The following APOBEC2 variants were observed in gnomAD, a reference collection of about 807,000 sequenced individuals.
The protein encoded by APOBEC2 is C->U-editing enzyme APOBEC-2.
Under a neutral mutation model 19.4 loss-of-function variants are expected in APOBEC2, and 14 were observed. That is an observed-to-expected ratio of 0.72 (90% CI 0.48 to 1.13). The LOEUF (loss-of-function observed/expected upper bound fraction) is 1.13, where lower values mean the gene tolerates loss of function less well. APOBEC2 is among the 50% of genes most tolerant of loss of function. APOBEC2 has a pLI of 0.00. For missense variants in APOBEC2, 304 were observed against 277.0 expected, an observed-to-expected ratio of 1.10 and a Z score of -0.69; for synonymous variants, 127 against 112.1, an observed-to-expected ratio of 1.13 and a Z score of -0.84.
Position 41,061,647 on chromosome 6 carries a change from G to A in APOBEC2, c.451G>A (p.Val151Met). ...CAAGAACCTGCGTCTGCTCATTCTGGTGGGTCGACTCTTCATGTGGGAGGA... is the reference window on the plus strand; with the variant it reads ...CAAGAACCTGCGTCTGCTCATTCTGATGGGTCGACTCTTCATGTGGGAGGA... ...KTKNLRLLIL[V>M]GRLFMWEEPE... Residue 151 changes from valine (V) to methionine (M), a missense_variant, in exon 2 of 3, where the codon GTG (valine) becomes ATG (methionine). By Grantham distance (21) the Val-to-Met change is conservative. Transcript: ENST00000244669. The A allele has an allele frequency of 6.2e-7, 1 of 1,614,250 alleles. No homozygotes were observed. Among genetic ancestry groups the A allele is most frequent in the Non-Finnish European group, 8.5e-7 (1 of 1,180,046 alleles).
At position 41,064,608 on chromosome 6, in the gene APOBEC2, C is replaced by A. The variant is rs1029484143; in HGVS notation, c.*529C>A. Reference sequence around the variant, plus strand: ...ACACAGGGACACTCCAGGCTATGAACCAAGCCATGGTTAAACCAAGACTTG... The same window carrying A: ...ACACAGGGACACTCCAGGCTATGAAACAAGCCATGGTTAAACCAAGACTTG... On this transcript the variant is annotated 3_prime_UTR_variant, in exon 3 of 3. Transcript: ENST00000244669. 6.6e-6 allele frequency: 1 copy of A among 152,152 alleles called. No individual in the cohort carries two copies. 9.4% of individuals were successfully genotyped at this position (152,152 alleles called of 1,614,324 possible).
chr6:41,059,460 T>C (rs1161337524), intron 1 of APOBEC2, among the ~76,000 whole-genome samples: 2 of 152,134 alleles, frequency 1.3e-5, no homozygotes, highest in Non-Finnish European at 2.9e-5. Context: ...GGTGAGTACC[T>C]TTGGGGAGCA....
chr6:41,060,665 T>C (rs1762858768), intron 1 of APOBEC2, among the ~76,000 whole-genome samples: 1 of 152,250 alleles, frequency 6.6e-6, no homozygotes, highest in Admixed American at 6.5e-5. Context: ...ACACTTAGCA[T>C]GTGACAATCC....
At chr6:41,063,534 CTTTTTTTTTT>C (rs34638825) in intron 2 of APOBEC2, among the ~76,000 whole-genome samples, 2 of 85,366 alleles carry the variant, frequency 2.3e-5, no homozygotes, top group Non-Finnish European at 4.1e-5. Flanking sequence ...GTCCTTAGAG[CTTTTTTTTTT>C]TTTTTTTTTT....
At chr6:41,063,444 C>T (rs959772326) in intron 2 of APOBEC2, among the ~76,000 whole-genome samples, 5 of 151,108 alleles carry the variant, frequency 3.3e-5, no homozygotes, top group African/African-American at 7.3e-5. Context: ...ACAGACTAAC[C>T]GGCAGCTTAA....
At chr6:41,053,762 G>A (rs1762760574) in intron 1 of APOBEC2, among the ~76,000 whole-genome samples, 2 of 152,128 alleles carry the variant, frequency 1.3e-5, no homozygotes, top group South Asian at 4.1e-4. Context: ...CCTGGTATTG[G>A]GATGGCCACC....
chr6:41,057,335 G>A (rs1010503793), intron 1 of APOBEC2, among the ~76,000 whole-genome samples: 15 of 152,090 alleles, frequency 9.9e-5, no homozygotes, highest in Non-Finnish European at 2.2e-4. Context: ...AGAAGGCAGC[G>A]CACTGACTCT....
chr6:41,056,011 A>T (rs1165463057), intron 1 of APOBEC2, among the ~76,000 whole-genome samples: 2 of 152,236 alleles, frequency 1.3e-5, no homozygotes, highest in Non-Finnish European at 2.9e-5. Flanking sequence ...TGAAAGTGAG[A>T]GGAAGAGCAG....
chr6:41,061,926 T>C (rs1056716842), intron 2 of APOBEC2, 34 bp downstream of exon 2: 8 of 1,547,162 alleles, frequency 5.2e-6, no homozygotes, highest in Non-Finnish European at 7.0e-6. Context: ...ACCAACACTT[T>C]ATTATGTTAA....
intron 2 of APOBEC2, among the ~76,000 whole-genome samples, chr6:41,063,847 C>G (rs1260624077): frequency 6.8e-6 from 1 of 146,908 alleles, no homozygotes; most frequent in East Asian, 2.0e-4. Flanking sequence ...TATATTTAGT[C>G]AAAAGACCAG....
At chr6:41,060,728 T>C (rs562995016) in intron 1 of APOBEC2, among the ~76,000 whole-genome samples, 5 of 152,370 alleles carry the variant, frequency 3.3e-5, no homozygotes, top group African/African-American at 1.2e-4. Context: ...AAGGAGAGCA[T>C]GTTATTGCAA....
chr6:41,057,164 C>G (rs1472146563), intron 1 of APOBEC2, among the ~76,000 whole-genome samples: 2 of 152,162 alleles, frequency 1.3e-5, no homozygotes, highest in African/African-American at 4.8e-5. Context: ...CTTTAGCTAC[C>G]AGTAGTTTAC....
At chr6:41,053,889 G>A (rs577090464) in intron 1 of APOBEC2, among the ~76,000 whole-genome samples, 2 of 152,198 alleles carry the variant, frequency 1.3e-5, no homozygotes, top group African/African-American at 2.4e-5. Context: ...CTCTGTTCCT[G>A]AGTGGGTCTC....
At chr6:41,063,784 A>ACTT (rs56710670) in intron 2 of APOBEC2, among the ~76,000 whole-genome samples, 58,249 of 149,056 alleles carry the variant, frequency 0.39, 11,959 homozygotes, top group African/African-American at 0.51. Flanking sequence ...TATTTTACAT[A>ACTT]CTTATTTCAT....
Position 41,061,741 on chromosome 6 carries a change from A to G in APOBEC2, c.545A>G (p.Gln182Arg). The change falls in exon 2 of 3, where the codon CAG becomes CGG. Residue 182 changes from glutamine (Q) to arginine (R), a missense_variant. Gln to Arg is a conservative substitution (Grantham distance 43). Coordinates refer to ENST00000244669, the MANE Select transcript of APOBEC2 (RefSeq NM_006789.4). ...AGCKLRIMKP[Q>R]DFEYVWQNFV... is the part of the protein sequence containing the mutation. Reference sequence around the variant, plus strand: ...TGTAAACTGCGCATCATGAAGCCCCAGGACTTCGAATATGTCTGGCAGAAT... The same window carrying G: ...TGTAAACTGCGCATCATGAAGCCCCGGGACTTCGAATATGTCTGGCAGAAT... The G allele has an allele frequency of 6.2e-7, 1 of 1,614,238 alleles. No homozygotes were observed. The highest frequency in any genetic ancestry group is 2.2e-5 in the East Asian group (1 of 44,880).
In APOBEC2 at chr6:41,064,460, G is replaced by A. The variant is rs1408761181; in HGVS notation, c.*381G>A. On this transcript the variant is annotated 3_prime_UTR_variant, in exon 3 of 3. Coordinates refer to ENST00000244669, the MANE Select transcript of APOBEC2 (RefSeq NM_006789.4). ...GAAATATGCATTTTATGTTAAGTTG[G>A]GTATTTTTTTAAAAAAAGAAAAACA... The A allele has an allele frequency of 6.6e-6, 1 of 151,952 alleles. No individual in the cohort carries two copies. The highest frequency in any genetic ancestry group is 1.5e-5 in the Non-Finnish European group (1 of 67,996). The allele number at this position is 151,952 out of a possible 1,614,324, so 9.4% of individuals were successfully genotyped here.
At chr6:41,055,338 G>C (rs771181487) in intron 1 of APOBEC2, among the ~76,000 whole-genome samples, 1 of 152,226 alleles carries the variant, frequency 6.6e-6, no homozygotes, top group African/African-American at 2.4e-5. Context: ...GAACAGTTCA[G>C]GTGGGAGCAG....
chr6:41,061,510 A>G lies in APOBEC2; in HGVS notation c.314A>G (p.Asn105Ser). 6.2e-7 allele frequency: 1 copy of G among 1,614,044 alleles called. No homozygotes were observed. Among genetic ancestry groups the G allele is most frequent in the Non-Finnish European group, 8.5e-7 (1 of 1,179,940 alleles). Reference protein sequence around the residue: ...AAAHAEEAFFNTILPAFDPAL... With the variant: ...AAAHAEEAFFSTILPAFDPAL... ...GCCCATGCAGAGGAAGCTTTCTTCA[A>G]CACCATCCTGCCAGCCTTCGACCCA... The change falls in exon 2 of 3, where the codon AAC becomes AGC. Residue 105 changes from asparagine (N) to serine (S), a missense_variant. By Grantham distance (46) the Asn-to-Ser change is conservative. Transcript: ENST00000244669.
At chr6:41,062,007 C>T in intron 2 of APOBEC2, 115 bp downstream of exon 2, 2 of 1,030,090 alleles carry the variant, frequency 1.9e-6, no homozygotes, top group South Asian at 1.7e-5. Context: ...GGTTTCATTT[C>T]TCTGCTTTTG....
Sources: gnomAD v4.1 joint callset for allele counts (sites outside exome capture counted in the v4.1 genomes callset) on GRCh38, gnomAD v4.1.1 for gene constraint, MANE v1.5 for transcripts, NCBI Gene and HGNC (gene_info 2026-07-23, HGNC 2026-07-21) for gene names.